Variants in NRXN3 observed in about 807,000 individuals in gnomAD.
The protein encoded by NRXN3 is neurexin 3.
A neutral mutation model predicts 137.6 loss-of-function variants in NRXN3; 32 were observed. The observed-to-expected ratio is 0.23, with a 90% confidence interval of 0.18 to 0.31. The LOEUF is 0.31. NRXN3 is among the 10% of genes least tolerant of loss of function. NRXN3 has a pLI of 1.00. For synonymous variants in NRXN3, 798 were observed against 784.5 expected (o/e 1.02, Z -0.29); for missense variants, 1,574 against 2,062.5 (o/e 0.76, Z 4.59).
intron 16 of NRXN3, among the ~76,000 whole-genome samples, chr14:79,507,405 A>C (rs1567326434): frequency 6.6e-6 from 1 of 152,220 alleles, no homozygotes; most frequent in Non-Finnish European, 1.5e-5. Context: ...AAATTATTTT[A>C]AAATAAAAGG....
intron 16 of NRXN3, among the ~76,000 whole-genome samples, chr14:79,506,479 T>C (rs1376172096): frequency 7.9e-5 from 12 of 152,192 alleles, no homozygotes; most frequent in Admixed American, 7.2e-4. Flanking sequence ...CAATCATCTT[T>C]AGAATTGGAT....
chr14:78,191,159 A>G (rs1428861659), intron 1 of NRXN3, among the ~76,000 whole-genome samples: 2 of 152,134 alleles, frequency 1.3e-5, no homozygotes, highest in Non-Finnish European at 1.5e-5. Context: ...TTACAAGCAA[A>G]TTCACAACTG....
chr14:78,695,136 T>C (rs1472925630), intron 6 of NRXN3, among the ~76,000 whole-genome samples: 1 of 151,872 alleles, frequency 6.6e-6, no homozygotes, highest in Non-Finnish European at 1.5e-5. Flanking sequence ...TTAATCTCTA[T>C]CTCCATATTC....
chr14:78,376,786 A>T (rs931329394), intron 4 of NRXN3, among the ~76,000 whole-genome samples: 5 of 152,204 alleles, frequency 3.3e-5, no homozygotes, highest in African/African-American at 1.2e-4. Flanking sequence ...TTTGACAATT[A>T]TATAATTAAC....
intron 15 of NRXN3, among the ~76,000 whole-genome samples, chr14:79,376,214 G>GTATA (rs1159913935): frequency 3.5e-4 from 25 of 71,088 alleles, no homozygotes; most frequent in South Asian, 1.1e-3. Flanking sequence ...GTGTGTGTAT[G>GTATA]TATATATATA....
intron 4 of NRXN3, among the ~76,000 whole-genome samples, chr14:78,590,731 T>C (rs372933205): frequency 6.6e-6 from 1 of 152,212 alleles, no homozygotes; most frequent in East Asian, 1.9e-4. Flanking sequence ...CTGGCCAACA[T>C]GGCAAAACCT....
intron 15 of NRXN3, among the ~76,000 whole-genome samples, chr14:79,178,141 T>C (rs529456429): frequency 1.1e-3 from 166 of 152,288 alleles, no homozygotes; most frequent in South Asian, 0.011. Flanking sequence ...TCCACCCAGG[T>C]TTCCTGATGC....
chr14:78,375,158 C>T (rs1486704671), intron 4 of NRXN3, among the ~76,000 whole-genome samples: 1 of 152,216 alleles, frequency 6.6e-6, no homozygotes, highest in Non-Finnish European at 1.5e-5. Context: ...TGCAATTAAG[C>T]CTCTACTTAG....
chr14:78,511,976 C>T (rs1028427692), intron 4 of NRXN3, among the ~76,000 whole-genome samples: 5 of 152,192 alleles, frequency 3.3e-5, no homozygotes, highest in African/African-American at 1.2e-4. Flanking sequence ...ATAATTTTAG[C>T]AACTTCCTCA....
chr14:79,425,194 T>C (rs1292557887), intron 15 of NRXN3, among the ~76,000 whole-genome samples: 2 of 152,232 alleles, frequency 1.3e-5, no homozygotes, highest in Non-Finnish European at 2.9e-5. Flanking sequence ...TAGAATATAA[T>C]GTAAGTAGTT....
At chr14:78,283,189 CACTT>C (rs2074657638) in intron 3 of NRXN3, 3 of 152,190 alleles carry the variant, frequency 2.0e-5, no homozygotes, top group Non-Finnish European at 4.4e-5. Context: ...ACTTACTGAC[CACTT>C]AGTCTGCGCT....
chr14:78,751,808 G>C (rs906044879), intron 8 of NRXN3, among the ~76,000 whole-genome samples: 2 of 152,118 alleles, frequency 1.3e-5, no homozygotes, highest in African/African-American at 2.4e-5. Context: ...AGTAGCACCT[G>C]GGAGCTTGTT....
intron 15 of NRXN3, among the ~76,000 whole-genome samples, chr14:79,243,651 C>T (rs1031125042): frequency 3.9e-5 from 6 of 152,084 alleles, no homozygotes; most frequent in African/African-American, 1.2e-4. Context: ...CTATATGGTA[C>T]AGCCTATTGT....
chr14:78,724,018 G>C (rs1221911829), intron 8 of NRXN3, among the ~76,000 whole-genome samples: 1 of 152,188 alleles, frequency 6.6e-6, no homozygotes, highest in Non-Finnish European at 1.5e-5. Flanking sequence ...TGACTGTAGT[G>C]ATCTCAACCA....
At chr14:79,571,912 C>A (rs747304375) in intron 16 of NRXN3, among the ~76,000 whole-genome samples, 3 of 152,088 alleles carry the variant, frequency 2.0e-5, no homozygotes, top group Non-Finnish European at 2.9e-5. Flanking sequence ...ATGGTTACCA[C>A]TCGGAGCAAC....
intron 16 of NRXN3, among the ~76,000 whole-genome samples, chr14:79,663,244 A>ACG (rs1320581475): frequency 2.7e-5 from 4 of 145,898 alleles, no homozygotes; most frequent in African/African-American, 5.3e-5. Context: ...GTGTGTGTGT[A>ACG]CGCGTGTGTG....
intron 15 of NRXN3, among the ~76,000 whole-genome samples, chr14:79,046,662 A>G (rs1442755029): frequency 6.6e-6 from 1 of 152,158 alleles, no homozygotes; most frequent in Non-Finnish European, 1.5e-5. Context: ...CTCACTGTTG[A>G]TTCTATGACC....
At chr14:79,103,699 C>G (rs772432474) in intron 15 of NRXN3, among the ~76,000 whole-genome samples, 16 of 152,140 alleles carry the variant, frequency 1.1e-4, no homozygotes, top group Admixed American at 9.2e-4. Flanking sequence ...AAAAGACCCA[C>G]GTTCTTAACA....
chr14:79,088,948 C>T (rs1181141786), intron 15 of NRXN3, among the ~76,000 whole-genome samples: 1 of 152,158 alleles, frequency 6.6e-6, no homozygotes, highest in Non-Finnish European at 1.5e-5. Flanking sequence ...CCATTTCCTA[C>T]AGCTAAGCCC....
Sources: gnomAD v4.1 joint callset for allele counts (sites outside exome capture counted in the v4.1 genomes callset) on GRCh38, gnomAD v4.1.1 for gene constraint, MANE v1.5 for transcripts, NCBI Gene and HGNC (gene_info 2026-07-23, HGNC 2026-07-21) for gene names.